SORBS3: variants seen among roughly 807,000 people sequenced by gnomAD.
SORBS3 encodes the protein vinexin.
In SORBS3, 69 loss-of-function variants were observed where a neutral mutation model predicts 98.0. The ratio of observed to expected loss-of-function variants is 0.70; its 90% CI spans 0.58 to 0.86. The LOEUF is 0.86. Among genes scored for constraint, SORBS3 ranks in the 40% least tolerant of loss-of-function variants. SORBS3 has a pLI of 0.00. For synonymous variants in SORBS3, 394 were observed against 355.4 expected (o/e 1.11, Z -1.22); for missense variants, 954 against 908.5 (o/e 1.05, Z -0.64).
intron 19 of SORBS3, 140 bp downstream of exon 19, chr8:22,571,961 T>A: frequency 1.5e-6 from 1 of 652,380 alleles, no homozygotes; most frequent in Non-Finnish European, 2.7e-6. Flanking sequence ...GAAGAGCTTA[T>A]GGTGATTTGG....
upstream of SORBS3, among the ~76,000 whole-genome samples, chr8:22,551,072 G>A (rs896276465): frequency 6.6e-6 from 1 of 152,226 alleles, no homozygotes; most frequent in Non-Finnish European, 1.5e-5. This position sits in a 1 kb window ranked among gnomAD's most constrained non-coding sequence, Gnocchi z 5.8. Flanking sequence ...AAAGCAGGCA[G>A]ATCAAAACAA....
At chr8:22,558,256 G>A in intron 5 of SORBS3, 64 bp downstream of exon 5, 1 of 1,493,076 alleles carries the variant, frequency 6.7e-7, no homozygotes, top group South Asian at 1.1e-5. Context: ...GGCTTGGAGA[G>A]ACAGGGAAAG....
Position 22,574,976 on chromosome 8 carries a change from G to T in SORBS3, c.*248G>T. On this transcript the variant is annotated 3_prime_UTR_variant, in exon 21 of 21. Coordinates refer to ENST00000240123, the MANE Select transcript of SORBS3 (RefSeq NM_005775.5). Reference sequence around the variant, plus strand: ...CCCACCCCACTCCCCAAATACAGAGGTCTGCTTTGAAGCGGAGACCATTTC... The same window carrying T: ...CCCACCCCACTCCCCAAATACAGAGTTCTGCTTTGAAGCGGAGACCATTTC... 1.5e-6 allele frequency: 1 copy of T among 657,150 alleles called. No individual in the cohort carries two copies. The highest frequency in any genetic ancestry group is 2.8e-6 in the Non-Finnish European group (1 of 356,072). The allele number at this position is 657,150 out of a possible 1,614,324, so 40.7% of individuals were successfully genotyped here. A position where few individuals can be genotyped will look rare whatever the true frequency, so the allele number is the denominator to read the frequency against.
At chr8:22,550,258 G>A (rs573759061), upstream of SORBS3, among the ~76,000 whole-genome samples, 3 of 152,300 alleles carry the variant, frequency 2.0e-5, no homozygotes, top group South Asian at 2.1e-4. Context: ...CCATCTCTCC[G>A]CCTTCCTGGA....
At chr8:22,565,903 G>A (rs1840403293) in intron 12 of SORBS3, 31 bp downstream of exon 12, 7 of 1,223,604 alleles carry the variant, frequency 5.7e-6, no homozygotes, top group Non-Finnish European at 7.2e-6. Flanking sequence ...GAGGAAGGGG[G>A]CTGTCCCAGG....
Position 22,574,751 on chromosome 8 carries a change from G to A in SORBS3, c.*23G>A. 5.0e-6 allele frequency: 8 copies of A among 1,610,100 alleles called. No homozygotes were observed. Among genetic ancestry groups the A allele is most frequent in the Middle Eastern group, 1.7e-4 (1 of 6,042 alleles). On this transcript the variant is annotated 3_prime_UTR_variant, in exon 21 of 21. Transcript: ENST00000240123. ...TGAGTGGTCTCCATGGCAACTTGGA[G>A]CCAGCCAGGATGGGGTGGGGAGCGG...
chr8:22,559,951 T>C (rs952069617), intron 5 of SORBS3, among the ~76,000 whole-genome samples: 1 of 142,858 alleles, frequency 7.0e-6, no homozygotes, highest in African/African-American at 2.6e-5. Context: ...CCTGTAATCC[T>C]AGCTACTCCA....
chr8:22,561,365 C>T lies in SORBS3; in HGVS notation c.509C>T (p.Pro170Leu), dbSNP rs1383121529. 3 of 1,609,564 alleles carry T rather than the reference C, an allele frequency of 1.9e-6. No homozygotes were observed. The highest frequency in any genetic ancestry group is 1.7e-6 in the Non-Finnish European group (2 of 1,177,264). ...CAGCTGGACTGGACCTTCGAGGAGCCACCCAGAGGTGAGGGGATGCGGGCC... is the reference window on the plus strand; with the variant it reads ...CAGCTGGACTGGACCTTCGAGGAGCTACCCAGAGGTGAGGGGATGCGGGCC... ...DLQLDWTFEE[P>L]PRDPRHLGAQ... The change falls in exon 6 of 21, where the codon CCA becomes CTA. Residue 170 changes from proline to leucine, a missense_variant. Transcript: ENST00000240123.
rs111538363 is a variant in SORBS3 at position 22,575,456 on chromosome 8, C to T, written c.*728C>T. ...CTGGCTCTCCCCCAGCCCCACATCC[C>T]CTCTGGAAGAGAATGTAAAATAAAC... On this transcript the variant is annotated 3_prime_UTR_variant, in exon 21 of 21. Transcript: ENST00000240123. The T allele has an allele frequency of 8.0e-3, 1,255 of 157,526 alleles. 14 individuals carry two copies. Among genetic ancestry groups the T allele is most frequent in the African/African-American group, 0.028 (1,158 of 41,614 alleles). The allele number at this position is 157,526 out of a possible 1,614,324, so 9.8% of individuals were successfully genotyped here.
chr8:22,569,331 T>C, intron 17 of SORBS3, 58 bp downstream of exon 17: 6 of 1,425,048 alleles, frequency 4.2e-6, no homozygotes, highest in Non-Finnish European at 5.6e-6. Flanking sequence ...TAGGTAAATA[T>C]GTGCACTAAA....
intron 12 of SORBS3, chr8:22,566,112 G>A: frequency 6.9e-6 from 4 of 581,530 alleles, no homozygotes; most frequent in Non-Finnish European, 1.0e-5. Flanking sequence ...GGCGCAGCGC[G>A]GTTAGGGCGG....
Position 22,569,156 on chromosome 8 carries a change from C to A in SORBS3, c.1314C>A (p.Pro438=). The change falls in exon 17 of 21, where the codon CCC becomes CCA. Residue 438 remains proline (P), a synonymous_variant. Transcript: ENST00000240123. ...GACCTTTCTTCATGCAGGTGCTGCC[C>A]GCAGATGAGATCCCTAAGCCCATCA... The part of the protein sequence containing the change: ...IFPANYVEVL[P]ADEIPKPIKP... 1 of 1,606,266 alleles carries A rather than the reference C, an allele frequency of 6.2e-7. No homozygotes were observed. Among genetic ancestry groups the A allele is most frequent in the Non-Finnish European group, 8.5e-7 (1 of 1,176,354 alleles).
At chr8:22,563,245 A>C (rs1373636527) in intron 7 of SORBS3, among the ~76,000 whole-genome samples, 1 of 152,202 alleles carries the variant, frequency 6.6e-6, no homozygotes, top group Non-Finnish European at 1.5e-5. Context: ...CCTTGGTCAG[A>C]CGTTGTATTA....
In SORBS3 at chr8:22,566,440, C is replaced by A; in HGVS notation, c.1046C>A (p.Pro349His). ...SPHKMADGGSPFLGRRDFVYP... is the reference protein window; with the variant it reads ...SPHKMADGGSHFLGRRDFVYP... ...CACAAAATGGCTGATGGAGGAAGCC[C>A]CTTCCTAGGTCGGAGGGACTTTGTC... The change falls in exon 13 of 21, where the codon CCC becomes CAC. Residue 349 changes from proline to histidine, a missense_variant. Pro to His is a moderately conservative substitution (Grantham distance 77). Transcript: ENST00000240123. 6 of 1,613,956 alleles carry A rather than the reference C, an allele frequency of 3.7e-6. No individual in the cohort carries two copies. The highest frequency in any genetic ancestry group is 5.1e-6 in the Non-Finnish European group (6 of 1,179,908).
chr8:22,560,490 T>C (rs1380493129), intron 5 of SORBS3, among the ~76,000 whole-genome samples: 7 of 152,100 alleles, frequency 4.6e-5, no homozygotes, highest in Admixed American at 4.6e-4. Flanking sequence ...CGGAGAGATC[T>C]CCCTGGGGCC....
chr8:22,573,586 G>A (rs1430082334), intron 20 of SORBS3, among the ~76,000 whole-genome samples: 1 of 152,060 alleles, frequency 6.6e-6, no homozygotes, highest in African/African-American at 2.4e-5. Flanking sequence ...GCTTCCTGGA[G>A]GAAATGAGGG....
At chr8:22,548,011 C>T (rs1840034240), upstream of SORBS3, among the ~76,000 whole-genome samples, 1 of 152,208 alleles carries the variant, frequency 6.6e-6, no homozygotes, top group Admixed American at 6.5e-5. Context: ...GCCAGGCAAG[C>T]CTGAGAGCCT....
chr8:22,559,744 G>C (rs1388351870), intron 5 of SORBS3, among the ~76,000 whole-genome samples: 1 of 151,248 alleles, frequency 6.6e-6, no homozygotes, highest in African/African-American at 2.4e-5. Context: ...TTCAGTTTTA[G>C]ACACATGTTC....
At chr8:22,566,089 C>T in intron 12 of SORBS3, 1 of 567,476 alleles carries the variant, frequency 1.8e-6, no homozygotes, top group Non-Finnish European at 2.7e-6. Flanking sequence ...GGACCGGGGT[C>T]GCGGCCGCCG....
Sources: gnomAD v4.1 joint callset for allele counts (sites outside exome capture counted in the v4.1 genomes callset) on GRCh38, gnomAD v4.1.1 for gene constraint, Gnocchi (gnomAD v3.1) non-coding constraint, MANE v1.5 for transcripts, NCBI Gene and HGNC (gene_info 2026-07-23, HGNC 2026-07-21) for gene names.